Variants in P2RX1 observed in about 807,000 individuals in gnomAD.
P2RX1 encodes the protein purinergic receptor P2X 1.
P2RX1 carries 42 observed loss-of-function variants against 50.3 expected under a neutral mutation model. The ratio of observed to expected loss-of-function variants is 0.83; its 90% CI spans 0.65 to 1.08. The LOEUF is 1.08. Among genes scored for constraint, P2RX1 ranks in the 50% least tolerant of loss-of-function variants. The pLI is 0.00. For synonymous variants in P2RX1, 199 were observed against 202.6 expected (o/e 0.98, Z 0.15); for missense variants, 449 against 529.0 (o/e 0.85, Z 1.48).
intron 1 of P2RX1, among the ~76,000 whole-genome samples, chr17:3,911,444 C>T (rs2056361701): frequency 6.6e-6 from 1 of 152,230 alleles, no homozygotes; most frequent in African/African-American, 2.4e-5. Flanking sequence ...CAACAATGGG[C>T]AGAAGCTGAG....
chr17:3,899,476 C>A (rs190205788), intron 8 of P2RX1, among the ~76,000 whole-genome samples, 158 bp downstream of exon 8: 10 of 151,804 alleles, frequency 6.6e-5, no homozygotes, highest in Admixed American at 2.0e-4. Flanking sequence ...ATATCTTTCT[C>A]CCTGCTGGCT....
chr17:3,905,482 C>T, intron 1 of P2RX1, 115 bp from the exon 2 acceptor site: 1 of 1,247,384 alleles, frequency 8.0e-7, no homozygotes, highest in Non-Finnish European at 1.1e-6. Flanking sequence ...TCCTAAAGCT[C>T]CTGTCTTGGG....
At chr17:3,913,379 A>G (rs1188192660) in intron 1 of P2RX1, among the ~76,000 whole-genome samples, 1 of 152,172 alleles carries the variant, frequency 6.6e-6, no homozygotes, top group East Asian at 1.9e-4. Flanking sequence ...CTCCCACCTC[A>G]GCCTCCCAAA....
Position 3,898,119 on chromosome 17 carries a change from A to C in P2RX1, c.1033-9T>G, listed in dbSNP as rs779022900. On this transcript the variant is annotated splice_polypyrimidine_tract_variant and intron_variant, in intron 10 of 11. Coordinates refer to ENST00000225538, the MANE Select transcript of P2RX1 (RefSeq NM_002558.4). ...TCACAGAGAACTGTGGCCTGGGGTC[A>C]GGGAAGGGCACGGAGACAGCGTGGG... 2.5e-6 allele frequency: 4 copies of C among 1,612,138 alleles called. No individual in the cohort carries two copies. Among genetic ancestry groups the C allele is most frequent in the Non-Finnish European group, 3.4e-6 (4 of 1,178,650 alleles).
At chr17:3,898,815 G>A (rs1370575738) in intron 9 of P2RX1, 119 bp downstream of exon 9, 2 of 865,434 alleles carry the variant, frequency 2.3e-6, no homozygotes, top group African/African-American at 1.6e-5. Context: ...GTTATTAGAA[G>A]TAAAACTGCT....
chr17:3,903,129 A>G lies in P2RX1; in HGVS notation c.747+73T>C. 1 of 1,600,184 alleles carries G rather than the reference A, an allele frequency of 6.2e-7. No individual in the cohort carries two copies. ...TCACCGAGGAGACTTGGGAAGATGAACTGGGCCTAAAAAGCCTTTATCAGG... is the reference window on the plus strand; with the variant it reads ...TCACCGAGGAGACTTGGGAAGATGAGCTGGGCCTAAAAAGCCTTTATCAGG... On this transcript the variant is annotated intron_variant, in intron 7 of 11. Transcript: ENST00000225538. This position sits in a 1 kb window ranked among gnomAD's most constrained non-coding sequence, Gnocchi z 4.6.
At chr17:3,911,785 C>G (rs2056369516) in intron 1 of P2RX1, among the ~76,000 whole-genome samples, 1 of 152,222 alleles carries the variant, frequency 6.6e-6, no homozygotes. Flanking sequence ...GACACCTTCT[C>G]TATTCCTCTC....
chr17:3,909,536 T>A (rs2056327105), intron 1 of P2RX1, among the ~76,000 whole-genome samples: 2 of 152,048 alleles, frequency 1.3e-5, no homozygotes, highest in South Asian at 4.1e-4. Context: ...GAGATTCAAT[T>A]CCACACATTC....
At position 3,904,211 on chromosome 17, in the gene P2RX1, C is replaced by T. The variant is rs533097365; in HGVS notation, c.427+119G>A. 5.7e-4 allele frequency: 656 copies of T among 1,146,890 alleles called. 3 individuals carry two copies. In the Middle Eastern group the frequency reaches 7.3e-3, roughly 13 times the overall value. The allele number at this position is 1,146,890 out of a possible 1,614,324, so 71.0% of individuals were successfully genotyped here. A position where few individuals can be genotyped will look rare whatever the true frequency, so the allele number is the denominator to read the frequency against. On this transcript the variant is annotated intron_variant, in intron 4 of 11. Transcript: ENST00000225538. The stretch of plus-strand genomic sequence containing the variant: ...GGAGACGGCAGGAGGGAGTCCCTCC[C>T]GGAGGCCGCCTCGGCGGGAGGGGTG...
At chr17:3,913,132 C>CTTTTT (rs555976939) in intron 1 of P2RX1, among the ~76,000 whole-genome samples, 1 of 135,002 alleles carries the variant, frequency 7.4e-6, no homozygotes, top group African/African-American at 2.8e-5. Context: ...CTGAGACCAT[C>CTTTTT]TTTTTTTTTT....
In P2RX1 at chr17:3,914,071, T is replaced by TGCA. The variant is rs2056409450; in HGVS notation, c.137+2015_137+2017dup. Among the ~76,000 whole-genome samples the TGCA allele has an allele frequency of 6.6e-6, 1 of 152,224 alleles. No homozygotes were observed. Among genetic ancestry groups the TGCA allele is most frequent in the African/African-American group, 2.4e-5 (1 of 41,466 alleles). ...TGAGCAGGAGCTGGAAGCCTGGGCC[T>TGCA]GCAGCCCTGGGGGTTGCTGGTGATG... is the stretch of plus-strand genomic sequence containing the variant. On this transcript the variant is annotated intron_variant, in intron 1 of 11. Transcript: ENST00000225538. This position sits in a 1 kb window ranked among gnomAD's most constrained non-coding sequence, Gnocchi z 4.1.
chr17:3,898,243 G>T, intron 10 of P2RX1, 133 bp from the exon 11 acceptor site: 1 of 833,314 alleles, frequency 1.2e-6, no homozygotes, highest in Non-Finnish European at 2.0e-6. Flanking sequence ...TTTCCTGGAG[G>T]GTGGATGAGG....
intron 7 of P2RX1, among the ~76,000 whole-genome samples, chr17:3,902,731 C>A (rs1329104595): frequency 1.3e-5 from 2 of 152,006 alleles, no homozygotes; most frequent in African/African-American, 4.8e-5. Flanking sequence ...CCTCAGCCTC[C>A]CTAGTAGCTG....
rs984904291 is a variant in P2RX1, at chr17:3,903,053, C to T, written c.747+149G>A. The T allele has an allele frequency of 3.4e-5, 35 of 1,028,736 alleles. No individual in the cohort carries two copies. Among genetic ancestry groups the T allele is most frequent in the East Asian group, 2.9e-4 (11 of 38,574 alleles). 63.7% of individuals were successfully genotyped at this position (1,028,736 alleles called of 1,614,324 possible). On this transcript the variant is annotated intron_variant, in intron 7 of 11. Coordinates refer to ENST00000225538, the MANE Select transcript of P2RX1 (RefSeq NM_002558.4). The surrounding 1 kb of genome is among the most constrained non-coding windows in gnomAD (Gnocchi z 4.6). ...GGACCTGCTGAAGACATGGATCTGA[C>T]GCTCAGGGGGCCCCAGTATCAGGGG...
At chr17:3,900,670 C>T (rs191928575) in intron 7 of P2RX1, among the ~76,000 whole-genome samples, 10 of 152,162 alleles carry the variant, frequency 6.6e-5, no homozygotes, top group Admixed American at 1.3e-4. Context: ...CTGTTTCACT[C>T]GTGTGTTTTC....
Position 3,905,474 on chromosome 17 carries a change from C to G in P2RX1, c.138-107G>C, listed in dbSNP as rs553135500. ...TGTGCCTCTGAGCCACCATCTGCTC[C>G]TAAAGCTCCTGTCTTGGGCTAGAGG... On this transcript the variant is annotated intron_variant, in intron 1 of 11. Coordinates refer to ENST00000225538, the MANE Select transcript of P2RX1 (RefSeq NM_002558.4). The G allele has an allele frequency of 2.9e-5, 38 of 1,296,960 alleles. No homozygotes were observed. In the East Asian group the frequency reaches 8.8e-4, roughly 30 times the overall value. 80.3% of individuals were successfully genotyped at this position (1,296,960 alleles called of 1,614,324 possible). A position where few individuals can be genotyped will look rare whatever the true frequency, so the allele number is the denominator to read the frequency against.
At position 3,903,215 on chromosome 17, in the gene P2RX1, G is replaced by A. The variant is rs1235118152; in HGVS notation, c.734C>T (p.Thr245Ile). 8.1e-6 allele frequency: 13 copies of A among 1,614,036 alleles called. No individual in the cohort carries two copies. Among genetic ancestry groups the A allele is most frequent in the Non-Finnish European group, 1.1e-5 (13 of 1,180,052 alleles). The change falls in exon 7 of 12, where the codon ACC becomes ATC. Residue 245 changes from threonine (T) to isoleucine (I), a missense_variant. Thr to Ile is a moderately conservative substitution (Grantham distance 89). Coordinates refer to ENST00000225538, the MANE Select transcript of P2RX1 (RefSeq NM_002558.4). This position sits in a 1 kb window ranked among gnomAD's most constrained non-coding sequence, Gnocchi z 4.6. ...VVQESGQNFS[T>I]LAEKGGVVGI... The stretch of plus-strand genomic sequence containing the variant: ...CATGCTCCATACCTTCTCAGCCAGG[G>A]TGCTGAAGTTCTGGCCTGACTCTTG...
At chr17:3,900,609 A>AT (rs1567649245) in intron 7 of P2RX1, among the ~76,000 whole-genome samples, 1 of 152,018 alleles carries the variant, frequency 6.6e-6, no homozygotes, top group Non-Finnish European at 1.5e-5. Flanking sequence ...TTATTTATTT[A>AT]TTTATTTTCG....
At position 3,903,838 on chromosome 17, in the gene P2RX1, A is replaced by T; in HGVS notation, c.524+90T>A. On this transcript the variant is annotated intron_variant, in intron 5 of 11. Transcript: ENST00000225538. This position sits in a 1 kb window ranked among gnomAD's most constrained non-coding sequence, Gnocchi z 4.6. ...GCGGATGGGGTGAGGGTGGGGTCAG[A>T]AAAAGGGGTAAAGATCCTTTCTAGA... 2 of 1,251,496 alleles carry T rather than the reference A, an allele frequency of 1.6e-6. No homozygotes were observed. The highest frequency in any genetic ancestry group is 1.8e-4 in the Middle Eastern group (1 of 5,406). The allele number at this position is 1,251,496 out of a possible 1,614,324, so 77.5% of individuals were successfully genotyped here. A position where few individuals can be genotyped will look rare whatever the true frequency, so the allele number is the denominator to read the frequency against.
Sources: gnomAD v4.1 joint callset for allele counts (sites outside exome capture counted in the v4.1 genomes callset) on GRCh38, gnomAD v4.1.1 for gene constraint, Gnocchi (gnomAD v3.1) non-coding constraint, MANE v1.5 for transcripts, NCBI Gene and HGNC (gene_info 2026-07-23, HGNC 2026-07-21) for gene names.